The following CADM2 variants were observed in gnomAD, a reference collection of about 807,000 sequenced individuals.
CADM2 encodes cell adhesion molecule 2, also known as immunoglobulin superfamily member 4D.
A neutral mutation model predicts 49.8 loss-of-function variants in CADM2; 12 were observed. The observed-to-expected ratio is 0.24, with a 90% CI of 0.15 to 0.39. CADM2 has a LOEUF of 0.39. Among genes scored for constraint, CADM2 ranks in the 10% least tolerant of loss-of-function variants. CADM2 has a pLI of 1.00. For synonymous variants in CADM2, 214 were observed against 175.4 expected, an observed-to-expected ratio of 1.22 and a Z score of -1.74; for missense variants, 378 against 492.3, an observed-to-expected ratio of 0.77 and a Z score of 2.20.
At chr3:84,970,689 G>T (rs2031369858) in intron 1 of CADM2, among the ~76,000 whole-genome samples, 1 of 151,928 alleles carries the variant, frequency 6.6e-6, no homozygotes, top group African/African-American at 2.4e-5. Flanking sequence ...AATTTATTAA[G>T]GATTCTTGCC....
intron 8 of CADM2, among the ~76,000 whole-genome samples, chr3:86,029,669 A>C (rs964118898): frequency 2.6e-5 from 4 of 152,014 alleles, no homozygotes; most frequent in African/African-American, 9.7e-5. Flanking sequence ...ACCATCCCTC[A>C]GCTAATAACA....
At chr3:85,952,436 TC>T (rs1447698842) in intron 7 of CADM2, among the ~76,000 whole-genome samples, 1 of 151,038 alleles carries the variant, frequency 6.6e-6, no homozygotes, top group Non-Finnish European at 1.5e-5. Context: ...TCTGCCCTCT[TC>T]CCTGATTTCT....
chr3:85,416,321 T>TAA (rs1185875770), intron 1 of CADM2, among the ~76,000 whole-genome samples: 1 of 152,126 alleles, frequency 6.6e-6, no homozygotes, highest in African/African-American at 2.4e-5. Context: ...CACACAAAGA[T>TAA]AATCAAAGAC....
At chr3:85,206,558 C>T (rs1359248041) in intron 1 of CADM2, among the ~76,000 whole-genome samples, 1 of 152,026 alleles carries the variant, frequency 6.6e-6, no homozygotes, top group Non-Finnish European at 1.5e-5. Flanking sequence ...CCGCCCACCT[C>T]GGCCTCCCAA....
chr3:85,207,748 G>T (rs1248205287), intron 1 of CADM2, among the ~76,000 whole-genome samples: 3 of 152,054 alleles, frequency 2.0e-5, no homozygotes, highest in Middle Eastern at 3.2e-3. Flanking sequence ...AAAACCAACT[G>T]GCATACTTTT....
chr3:85,416,498 A>C (rs2035926266), intron 1 of CADM2, among the ~76,000 whole-genome samples: 1 of 152,212 alleles, frequency 6.6e-6, no homozygotes. Flanking sequence ...TACAACAGAA[A>C]AGGGCTTTTG....
chr3:85,080,517 A>G (rs1301005081), intron 1 of CADM2, among the ~76,000 whole-genome samples: 2 of 152,120 alleles, frequency 1.3e-5, no homozygotes, highest in Admixed American at 6.6e-5. Flanking sequence ...TAGCAACATT[A>G]AGCTCAGAAT....
intron 1 of CADM2, among the ~76,000 whole-genome samples, chr3:85,269,573 T>C (rs2043190808): frequency 6.6e-6 from 1 of 151,388 alleles, no homozygotes; most frequent in Non-Finnish European, 1.5e-5. Flanking sequence ...TGGTTAATTT[T>C]ATAAACAGAT....
chr3:85,321,129 T>A (rs1305617432), intron 1 of CADM2, among the ~76,000 whole-genome samples: 4 of 11,604 alleles, frequency 3.4e-4, no homozygotes, highest in African/African-American at 7.1e-4. Flanking sequence ...TTTTTTTTTT[T>A]TTTTTTTTTT....
intron 7 of CADM2, among the ~76,000 whole-genome samples, chr3:85,959,979 C>G (rs1160800259): frequency 3.3e-5 from 5 of 151,852 alleles, no homozygotes; most frequent in Admixed American, 3.3e-4. Flanking sequence ...GAAACTCTTG[C>G]AAGGGTAAGA....
chr3:85,306,332 G>T (rs909239170), intron 1 of CADM2, among the ~76,000 whole-genome samples: 7 of 151,588 alleles, frequency 4.6e-5, no homozygotes, highest in African/African-American at 1.7e-4. Context: ...GCATAAAGAT[G>T]ACTTCTCTAT....
At chr3:85,553,895 G>A (rs909483634) in intron 1 of CADM2, among the ~76,000 whole-genome samples, 1 of 152,198 alleles carries the variant, frequency 6.6e-6, no homozygotes, top group Non-Finnish European at 1.5e-5. Flanking sequence ...TAATTGCACA[G>A]CTGTTTGAAT....
At position 85,011,630 on chromosome 3, in the gene CADM2, A is replaced by G. The variant is rs185447324; in HGVS notation, c.61+51962A>G. 2.8e-3 allele frequency among the ~76,000 whole-genome samples: 425 copies of G among 152,306 alleles called. 5 individuals are homozygous for G. The highest frequency in any genetic ancestry group is 0.01 in the African/African-American group (416 of 41,570). ...TTTAGCAATCTTTTATCAAAAGAAG[A>G]GGGAATTTTATGTTTAAAACCTTTT... On this transcript the variant is annotated intron_variant, in intron 1 of 9. Coordinates refer to ENST00000383699, the MANE Select transcript of CADM2 (RefSeq NM_001167675.2).
intron 1 of CADM2, among the ~76,000 whole-genome samples, chr3:85,351,251 A>G (rs1443707970): frequency 6.6e-6 from 1 of 152,182 alleles, no homozygotes; most frequent in African/African-American, 2.4e-5. Context: ...TTTTGTTTGA[A>G]CTTACAAGGA....
At chr3:85,531,496 A>G (rs961484757) in intron 1 of CADM2, among the ~76,000 whole-genome samples, 1 of 152,172 alleles carries the variant, frequency 6.6e-6, no homozygotes, top group South Asian at 2.1e-4. Flanking sequence ...GTGTAAAATA[A>G]TACATACTAG....
At chr3:85,684,641 A>G (rs1040351586) in intron 1 of CADM2, among the ~76,000 whole-genome samples, 1 of 152,204 alleles carries the variant, frequency 6.6e-6, no homozygotes, top group Non-Finnish European at 1.5e-5. Context: ...GGGAGGTCTC[A>G]CAATCATGGC....
chr3:85,715,206 AG>A (rs1355412854), intron 1 of CADM2, among the ~76,000 whole-genome samples: 1 of 152,210 alleles, frequency 6.6e-6, no homozygotes, highest in Non-Finnish European at 1.5e-5. Context: ...TCTTAGTGGT[AG>A]ATACCATCCC....
At chr3:85,084,701 C>A (rs1034844956) in intron 1 of CADM2, among the ~76,000 whole-genome samples, 3 of 151,970 alleles carry the variant, frequency 2.0e-5, no homozygotes, top group Non-Finnish European at 2.9e-5. Flanking sequence ...TAGAATATGG[C>A]TACTAAAAAA....
chr3:85,783,666 T>TA (rs2070794291), intron 2 of CADM2, among the ~76,000 whole-genome samples: 1 of 152,232 alleles, frequency 6.6e-6, no homozygotes, highest in Non-Finnish European at 1.5e-5. Flanking sequence ...GCATTATATA[T>TA]TTTTAAGTAG....
Sources: allele counts gnomAD v4.1 joint callset (sites outside exome capture counted in the v4.1 genomes callset), GRCh38; gene constraint gnomAD v4.1.1; transcripts MANE v1.5; gene names NCBI Gene and HGNC (gene_info 2026-07-23, HGNC 2026-07-21).